Variants in CHCHD3 observed in about 807,000 individuals in gnomAD.
The protein encoded by CHCHD3 is MICOS complex subunit MIC19.
Under a neutral mutation model 38.2 loss-of-function variants are expected in CHCHD3, and 20 were observed. That is an observed-to-expected ratio of 0.52 (90% confidence interval 0.37 to 0.76). The LOEUF is 0.76. Among genes scored for constraint, CHCHD3 ranks in the 30% least tolerant of loss-of-function variants. The pLI is 0.00. For missense variants in CHCHD3, 245 were observed against 279.2 expected, an observed-to-expected ratio of 0.88 and a Z score of 0.87; for synonymous variants, 82 against 100.0, an observed-to-expected ratio of 0.82 and a Z score of 1.07.
chr7:132,791,265 T>A (rs150673134), intron 7 of CHCHD3, among the ~76,000 whole-genome samples: 15 of 152,346 alleles, frequency 9.8e-5, no homozygotes, highest in African/African-American at 3.6e-4. Context: ...CAGGGGATTC[T>A]GATGCTCACC....
At position 133,067,887 on chromosome 7, in the gene CHCHD3, C is replaced by T. The variant is rs534503703; in HGVS notation, c.169+2255G>A. Among the ~76,000 whole-genome samples the T allele has an allele frequency of 5.9e-5, 9 of 152,260 alleles. No individual in the cohort carries two copies. In the East Asian group the frequency reaches 7.7e-4, roughly 13 times the overall value. ...ATCCCAGCACTTTGGGAGGTCGAGG[C>T]GGGCGGATCACGAGGTCAGGAGATT... On this transcript the variant is annotated intron_variant, in intron 2 of 7. Coordinates refer to ENST00000262570, the MANE Select transcript of CHCHD3 (RefSeq NM_017812.4).
At chr7:132,918,876 T>G (rs965841178) in intron 4 of CHCHD3, among the ~76,000 whole-genome samples, 1 of 152,104 alleles carries the variant, frequency 6.6e-6, no homozygotes, top group African/African-American at 2.4e-5. Flanking sequence ...ACAACTGACT[T>G]GGTAAGCAGC....
At chr7:132,944,343 G>C (rs1458498093) in intron 4 of CHCHD3, among the ~76,000 whole-genome samples, 1 of 151,312 alleles carries the variant, frequency 6.6e-6, no homozygotes, top group Non-Finnish European at 1.5e-5. Flanking sequence ...AGTGATCTGA[G>C]AGAGCAGGAG....
At chr7:133,033,398 G>A (rs979677666) in intron 2 of CHCHD3, among the ~76,000 whole-genome samples, 1 of 152,006 alleles carries the variant, frequency 6.6e-6, no homozygotes, top group African/African-American at 2.4e-5. Context: ...ATCCCTCCCC[G>A]TGCCACTAAA....
chr7:132,989,630 C>T (rs1046061587), intron 3 of CHCHD3, among the ~76,000 whole-genome samples: 1 of 152,140 alleles, frequency 6.6e-6, no homozygotes, highest in Non-Finnish European at 1.5e-5. Flanking sequence ...TCCTACTGCA[C>T]TGAAAAATAC....
intron 5 of CHCHD3, among the ~76,000 whole-genome samples, chr7:132,867,447 G>A (rs1808661738): frequency 6.6e-6 from 1 of 152,104 alleles, no homozygotes; most frequent in African/African-American, 2.4e-5. Flanking sequence ...ATGAGACTAA[G>A]AAATTAGAGA....
intron 4 of CHCHD3, among the ~76,000 whole-genome samples, chr7:132,935,776 G>A (rs190551661): frequency 1.9e-3 from 288 of 152,260 alleles, no homozygotes; most frequent in African/African-American, 6.6e-3. Flanking sequence ...GAATACCAAA[G>A]ACTGGGTAAT....
At chr7:132,920,204 C>T (rs1054549986) in intron 4 of CHCHD3, among the ~76,000 whole-genome samples, 4 of 152,112 alleles carry the variant, frequency 2.6e-5, no homozygotes, top group African/African-American at 9.7e-5. Context: ...AAAGTTTTAT[C>T]GGAACAAAAC....
intron 6 of CHCHD3, among the ~76,000 whole-genome samples, chr7:132,801,224 T>G (rs1229210459): frequency 6.6e-6 from 1 of 152,198 alleles, no homozygotes; most frequent in Non-Finnish European, 1.5e-5. Flanking sequence ...TATATTAACT[T>G]TTTATTTTTA....
intron 5 of CHCHD3, among the ~76,000 whole-genome samples, chr7:132,839,761 G>A (rs1807890486): frequency 6.6e-6 from 1 of 152,162 alleles, no homozygotes; most frequent in South Asian, 2.1e-4. Context: ...AAAATCAATA[G>A]GTATGTGATT....
chr7:132,929,817 A>G (rs76920757), intron 4 of CHCHD3, among the ~76,000 whole-genome samples: 6,708 of 152,214 alleles, frequency 0.044, 321 homozygotes, highest in African/African-American at 0.11. Flanking sequence ...GTAAAGGGGT[A>G]GATGCTTGAG....
intron 2 of CHCHD3, among the ~76,000 whole-genome samples, chr7:133,066,190 T>G (rs567258303): frequency 6.6e-5 from 10 of 152,306 alleles, no homozygotes; most frequent in African/African-American, 2.4e-4. Flanking sequence ...AAGAGCCACA[T>G]GTGACTAGTG....
intron 5 of CHCHD3, among the ~76,000 whole-genome samples, chr7:132,854,337 G>GT (rs1414128426): frequency 6.6e-6 from 1 of 152,072 alleles, no homozygotes; most frequent in Admixed American, 6.6e-5. Flanking sequence ...ACTTTGGTTT[G>GT]TTTTTTCCCC....
intron 4 of CHCHD3, among the ~76,000 whole-genome samples, chr7:132,899,298 G>A (rs568305274): frequency 3.0e-4 from 46 of 152,312 alleles, no homozygotes; most frequent in South Asian, 2.1e-3. Context: ...CAGGAGGGAA[G>A]GAAGGAAGAT....
At chr7:133,075,607 G>C (rs1004026490) in intron 1 of CHCHD3, among the ~76,000 whole-genome samples, 1 of 152,144 alleles carries the variant, frequency 6.6e-6, no homozygotes, top group African/African-American at 2.4e-5. Flanking sequence ...TGTGAACAGG[G>C]GTACTCACTC....
At chr7:132,832,191 C>G (rs1418312868) in intron 6 of CHCHD3, among the ~76,000 whole-genome samples, 1 of 152,154 alleles carries the variant, frequency 6.6e-6, no homozygotes, top group Non-Finnish European at 1.5e-5. Flanking sequence ...CTCAGATACT[C>G]TAAAATCACC....
At chr7:133,022,552 T>C (rs901728986) in intron 3 of CHCHD3, 8 of 451,708 alleles carry the variant, frequency 1.8e-5, no homozygotes, top group African/African-American at 4.0e-5. Context: ...AACTATCATA[T>C]AGATGAACAC....
chr7:132,821,206 G>A (rs1807364690), intron 6 of CHCHD3, among the ~76,000 whole-genome samples: 1 of 152,068 alleles, frequency 6.6e-6, no homozygotes, highest in African/African-American at 2.4e-5. Context: ...CAACTATTGT[G>A]ACTACAGTAA....
At chr7:132,896,459 A>C (rs1038734540) in intron 4 of CHCHD3, among the ~76,000 whole-genome samples, 1 of 152,240 alleles carries the variant, frequency 6.6e-6, no homozygotes, top group Non-Finnish European at 1.5e-5. Context: ...GTTACAAAGT[A>C]ACATGACATT....
Sources: gnomAD v4.1 joint callset for allele counts (sites outside exome capture counted in the v4.1 genomes callset) on GRCh38, gnomAD v4.1.1 for gene constraint, MANE v1.5 for transcripts, NCBI Gene and HGNC (gene_info 2026-07-23, HGNC 2026-07-21) for gene names.